DOCK1: variants seen among roughly 807,000 people sequenced by gnomAD.
DOCK1 encodes the protein dedicator of cytokinesis 1, also known as dedicator of cytokinesis protein 1.
Under a neutral mutation model 262.7 loss-of-function variants are expected in DOCK1, and 138 were observed. That is an observed-to-expected ratio of 0.53 (90% confidence interval 0.46 to 0.61). DOCK1 has a LOEUF of 0.61. Among genes scored for constraint, DOCK1 ranks in the 20% least tolerant of loss-of-function variants. The pLI, the probability that DOCK1 is intolerant of heterozygous loss-of-function variation, is 0.00. For synonymous variants in DOCK1, 866 were observed against 867.4 expected (o/e 1.00, Z 0.03); for missense variants, 1,908 against 2,370.7 (o/e 0.80, Z 4.05).
At chr10:127,113,561 C>T (rs555128296) in intron 25 of DOCK1, among the ~76,000 whole-genome samples, 38 of 152,304 alleles carry the variant, frequency 2.5e-4, no homozygotes, top group Non-Finnish European at 2.6e-4. Flanking sequence ...CTTTCGTTGC[C>T]AGGTCTGGGT....
At chr10:127,217,389 A>G (rs2058259451) in intron 27 of DOCK1, among the ~76,000 whole-genome samples, 1 of 152,244 alleles carries the variant, frequency 6.6e-6, no homozygotes, top group Non-Finnish European at 1.5e-5. Flanking sequence ...ATGCTGATTT[A>G]CTGGAAACCA....
chr10:127,416,839 T>G (rs990639371), intron 44 of DOCK1, among the ~76,000 whole-genome samples: 4 of 152,186 alleles, frequency 2.6e-5, no homozygotes, highest in Non-Finnish European at 5.9e-5. Flanking sequence ...AAGTAAGTTG[T>G]GGGGTCAGGA....
intron 29 of DOCK1, among the ~76,000 whole-genome samples, chr10:127,274,631 T>C (rs1465983122): frequency 6.6e-6 from 1 of 152,072 alleles, no homozygotes; most frequent in Non-Finnish European, 1.5e-5. Context: ...TGAAGAAAAA[T>C]GAACAATCAA....
At chr10:127,305,025 T>C (rs1369708762) in intron 29 of DOCK1, among the ~76,000 whole-genome samples, 1 of 152,224 alleles carries the variant, frequency 6.6e-6, no homozygotes, top group Non-Finnish European at 1.5e-5. Flanking sequence ...GCTTCTATAA[T>C]GCCTCATCAA....
chr10:126,923,430 C>G (rs868736477), intron 1 of DOCK1, among the ~76,000 whole-genome samples: 47 of 152,040 alleles, frequency 3.1e-4, no homozygotes, highest in Middle Eastern at 3.4e-3. Context: ...TTGAGACCAG[C>G]CTGGCCAACA....
At chr10:127,066,160 C>T (rs1302539711) in intron 23 of DOCK1, among the ~76,000 whole-genome samples, 2 of 152,074 alleles carry the variant, frequency 1.3e-5, no homozygotes, top group African/African-American at 2.4e-5. Context: ...GCCCTCGAGT[C>T]GTGTTCTGTG....
intron 23 of DOCK1, among the ~76,000 whole-genome samples, chr10:127,093,073 G>T (rs569315244): frequency 6.6e-6 from 1 of 152,010 alleles, no homozygotes; most frequent in South Asian, 2.1e-4. Flanking sequence ...ATCCTTCCTG[G>T]TCTCTTCCAG....
chr10:126,970,941 G>C (rs1344840418), intron 2 of DOCK1, among the ~76,000 whole-genome samples, 156 bp downstream of exon 2: 2 of 152,112 alleles, frequency 1.3e-5, no homozygotes, highest in Non-Finnish European at 1.5e-5. Context: ...ACTGTTTCAG[G>C]TAAGGGTAGT....
At chr10:127,449,301 C>G (rs9299882) in intron 51 of DOCK1, among the ~76,000 whole-genome samples, 1 of 152,180 alleles carries the variant, frequency 6.6e-6, no homozygotes, top group Non-Finnish European at 1.5e-5. Context: ...TGGTCACATT[C>G]TCTTCTCTCT....
chr10:127,243,397 C>A (rs1323974609), intron 27 of DOCK1, among the ~76,000 whole-genome samples: 1 of 152,112 alleles, frequency 6.6e-6, no homozygotes, highest in Admixed American at 6.5e-5. Context: ...CCCCCTGCTC[C>A]ACCACCAGCA....
intron 27 of DOCK1, among the ~76,000 whole-genome samples, chr10:127,140,576 T>C (rs953223730): frequency 2.1e-5 from 3 of 143,534 alleles, no homozygotes; most frequent in Non-Finnish European, 4.7e-5. Flanking sequence ...TGGACACTGC[T>C]TCCTGCTCAA....
At chr10:127,402,574 C>T in intron 38 of DOCK1, 1 of 490,682 alleles carries the variant, frequency 2.0e-6, no homozygotes, top group Non-Finnish European at 4.1e-6. Flanking sequence ...CGAAGTCTGC[C>T]CTGTTATTTC....
chr10:127,404,892 G>C (rs1362922321), intron 40 of DOCK1, among the ~76,000 whole-genome samples: 1 of 152,162 alleles, frequency 6.6e-6, no homozygotes, highest in African/African-American at 2.4e-5. Flanking sequence ...GTTCTACTTT[G>C]TGTCTCTATG....
intron 29 of DOCK1, among the ~76,000 whole-genome samples, chr10:127,307,412 G>C (rs2061913842): frequency 6.6e-6 from 1 of 152,198 alleles, no homozygotes; most frequent in South Asian, 2.1e-4. Flanking sequence ...TTTTAACCCA[G>C]CCTCTAACAC....
At chr10:127,177,997 G>C (rs1454905232) in intron 27 of DOCK1, among the ~76,000 whole-genome samples, 2 of 152,160 alleles carry the variant, frequency 1.3e-5, no homozygotes, top group Non-Finnish European at 2.9e-5. Flanking sequence ...CATAGACCCA[G>C]CTGTCCAACA....
At chr10:127,093,249 T>TCTTTCTTTCTTTC (rs60427425) in intron 23 of DOCK1, among the ~76,000 whole-genome samples, 191 of 129,262 alleles carry the variant, frequency 1.5e-3, no homozygotes, top group African/African-American at 5.2e-3. Context: ...CTTCTTTTTT[T>TCTTTCTTTCTTTC]TTTTTTTTTT....
At chr10:127,060,006 T>G (rs544216282) in intron 22 of DOCK1, among the ~76,000 whole-genome samples, 1 of 152,210 alleles carries the variant, frequency 6.6e-6, no homozygotes, top group East Asian at 1.9e-4. Context: ...GAGGCTACAC[T>G]GGACCTTTAG....
intron 23 of DOCK1, among the ~76,000 whole-genome samples, chr10:127,094,662 C>T (rs2047795729): frequency 6.6e-6 from 1 of 152,196 alleles, no homozygotes; most frequent in Admixed American, 6.5e-5. Flanking sequence ...GTCCTGCACA[C>T]ACTTATCTTC....
chr10:127,342,810 T>C (rs577942624), intron 30 of DOCK1, among the ~76,000 whole-genome samples: 1 of 152,290 alleles, frequency 6.6e-6, no homozygotes, highest in Non-Finnish European at 1.5e-5. Context: ...CCTTGAAATA[T>C]GGGTTTATTG....
Sources: allele counts gnomAD v4.1 joint callset (sites outside exome capture counted in the v4.1 genomes callset), GRCh38; gene constraint gnomAD v4.1.1; transcripts MANE v1.5; gene names NCBI Gene and HGNC (gene_info 2026-07-23, HGNC 2026-07-21).